The following MYOM1 variants were observed in gnomAD, a reference collection of about 807,000 sequenced individuals.
MYOM1 encodes the protein myomesin 1.
Under a neutral mutation model 205.3 loss-of-function variants are expected in MYOM1, and 164 were observed. The ratio of observed to expected loss-of-function variants is 0.80; its 90% CI spans 0.70 to 0.91. MYOM1 has a LOEUF of 0.91. Among genes scored for constraint, MYOM1 ranks in the 40% least tolerant of loss-of-function variants. The pLI is 0.00. For missense variants in MYOM1, 2,011 were observed against 2,127.3 expected (o/e 0.95, Z 1.08); for synonymous variants, 772 against 789.4 (o/e 0.98, Z 0.37).
intron 33 of MYOM1, among the ~76,000 whole-genome samples, chr18:3,082,803 A>G (rs928959457): frequency 5.9e-5 from 9 of 152,196 alleles, no homozygotes; most frequent in African/African-American, 2.2e-4. Context: ...ACTTGAATAG[A>G]GTCCCTGTAT....
intron 14 of MYOM1, among the ~76,000 whole-genome samples, chr18:3,136,363 T>G (rs549175012): frequency 2.0e-5 from 3 of 152,270 alleles, no homozygotes; most frequent in Admixed American, 2.0e-4. Context: ...CTTACAAAAG[T>G]CTTATTTTGA....
intron 25 of MYOM1, among the ~76,000 whole-genome samples, chr18:3,096,231 A>C (rs189721768): frequency 2.6e-4 from 39 of 152,282 alleles, no homozygotes; most frequent in South Asian, 4.1e-4. Context: ...TTTGCAAATG[A>C]TCTAGTTACT....
rs1285889027 is a variant in MYOM1 at position 3,170,710 on chromosome 18, T to C, written c.1175-1729A>G. On this transcript the variant is annotated intron_variant, in intron 8 of 37. Transcript: ENST00000356443. The stretch of plus-strand genomic sequence containing the variant: ...GATGGGTTATTACATGCCAGACACT[T>C]TCACATTTGACATATCATCAATCCC... 4.6e-5 allele frequency among the ~76,000 whole-genome samples: 7 copies of C among 152,272 alleles called. No homozygotes were observed. In the East Asian group the frequency reaches 1.3e-3, roughly 29 times the overall value.
rs903589704 is a variant in MYOM1, at chr18:3,179,730, C to T, written c.930-3596G>A. Among the ~76,000 whole-genome samples the T allele has an allele frequency of 3.3e-5, 5 of 152,176 alleles. No individual in the cohort carries two copies. Among genetic ancestry groups the T allele is most frequent in the Non-Finnish European group, 5.9e-5 (4 of 68,026 alleles). On this transcript the variant is annotated intron_variant, in intron 5 of 37. Transcript: ENST00000356443. The surrounding 1 kb of genome is among the most constrained non-coding windows in gnomAD (Gnocchi z 4.4). Reference sequence around the variant, plus strand: ...AATCCACTGGCCACTTCTAATCTCCCGCATTCCCCGTTTAGATGAAGTACA... The same window carrying T: ...AATCCACTGGCCACTTCTAATCTCCTGCATTCCCCGTTTAGATGAAGTACA...
At chr18:3,223,245 A>G (rs998161357), upstream of MYOM1, among the ~76,000 whole-genome samples, 2 of 152,242 alleles carry the variant, frequency 1.3e-5, no homozygotes, top group African/African-American at 4.8e-5. Flanking sequence ...TAATCAAATA[A>G]GATATTGTAA....
At chr18:3,140,338 C>T (rs180853484) in intron 14 of MYOM1, among the ~76,000 whole-genome samples, 59 of 150,780 alleles carry the variant, frequency 3.9e-4, no homozygotes, top group South Asian at 1.3e-3. Flanking sequence ...ACCAGGGAGG[C>T]GGAGGTTGCA....
At chr18:3,119,446 C>A (rs2079652932) in intron 20 of MYOM1, among the ~76,000 whole-genome samples, 1 of 152,132 alleles carries the variant, frequency 6.6e-6, no homozygotes, top group Admixed American at 6.5e-5. Flanking sequence ...ACCTTCCCAG[C>A]AGCATAACAA....
At chr18:3,163,471 G>A (rs1193059097) in intron 10 of MYOM1, among the ~76,000 whole-genome samples, 1 of 151,220 alleles carries the variant, frequency 6.6e-6, no homozygotes, top group Non-Finnish European at 1.5e-5. Context: ...TTTTTCTTTT[G>A]AGACAGGGTC....
chr18:3,171,219 C>T (rs771798827), intron 8 of MYOM1, among the ~76,000 whole-genome samples: 4 of 152,176 alleles, frequency 2.6e-5, no homozygotes, highest in Non-Finnish European at 5.9e-5. Context: ...CCCTAATCAA[C>T]AGTGAAGTAA....
At chr18:3,229,673 A>G in the MYOM1 span, among the ~76,000 whole-genome samples, 3 of 152,296 alleles carry the variant, frequency 2.0e-5, no homozygotes, top group East Asian at 5.8e-4. Context: ...TGCAAGTTTA[A>G]CAGTAGTGAG....
intron 2 of MYOM1, among the ~76,000 whole-genome samples, chr18:3,195,231 G>A (rs114771962): frequency 0.013 from 1,968 of 152,324 alleles, 35 homozygotes; most frequent in African/African-American, 0.045. Context: ...CAGGGAGGTC[G>A]CATGGAAATG....
intron 36 of MYOM1, among the ~76,000 whole-genome samples, chr18:3,072,131 A>G (rs1598643309): frequency 6.6e-6 from 1 of 151,316 alleles, no homozygotes; most frequent in East Asian, 2.0e-4. Flanking sequence ...GCTCACTGCA[A>G]CCTCTGCCCA....
At chr18:3,132,527 C>T (rs1443611762) in intron 16 of MYOM1, among the ~76,000 whole-genome samples, 4 of 152,056 alleles carry the variant, frequency 2.6e-5, no homozygotes, top group African/African-American at 9.7e-5. Context: ...AAACTCGTGT[C>T]ACAGGGGTTT....
At chr18:3,129,113 A>G in intron 18 of MYOM1, 119 bp downstream of exon 18, 1 of 1,281,578 alleles carries the variant, frequency 7.8e-7, no homozygotes, top group Non-Finnish European at 1.1e-6. Flanking sequence ...AGCTGAAAAC[A>G]CATACAATAA....
chr18:3,085,973 C>A, intron 30 of MYOM1, 65 bp downstream of exon 30: 1 of 975,182 alleles, frequency 1.0e-6, no homozygotes, highest in Non-Finnish European at 1.6e-6. Flanking sequence ...AATCTAGTTA[C>A]TGTTTTGGGG....
intron 2 of MYOM1, among the ~76,000 whole-genome samples, chr18:3,208,152 AG>A (rs1470797800): frequency 3.9e-5 from 6 of 152,224 alleles, no homozygotes; most frequent in Non-Finnish European, 2.9e-5. Flanking sequence ...AAGTTGGAGC[AG>A]GAGGCTGATA....
chr18:3,168,350 G>T (rs536132953), intron 9 of MYOM1, among the ~76,000 whole-genome samples: 8 of 151,938 alleles, frequency 5.3e-5, no homozygotes, highest in Non-Finnish European at 1.2e-4. Flanking sequence ...GTGCAATGGC[G>T]CCATCTCCAC....
At chr18:3,188,178 C>A (rs115758660) in intron 4 of MYOM1, among the ~76,000 whole-genome samples, 1 of 152,076 alleles carries the variant, frequency 6.6e-6, no homozygotes, top group Non-Finnish European at 1.5e-5. Context: ...TTAAGGCTCT[C>A]TAAAATCTTT....
chr18:3,071,204 TC>T (rs1410337775), intron 37 of MYOM1, among the ~76,000 whole-genome samples: 1 of 152,204 alleles, frequency 6.6e-6, no homozygotes, highest in Non-Finnish European at 1.5e-5. Context: ...ATTTCTTTCT[TC>T]AATTTTATTT....
Sources: allele counts gnomAD v4.1 joint callset (sites outside exome capture counted in the v4.1 genomes callset), GRCh38; gene constraint gnomAD v4.1.1; non-coding constraint Gnocchi (gnomAD v3.1); transcripts MANE v1.5; gene names NCBI Gene and HGNC (gene_info 2026-07-23, HGNC 2026-07-21).